The following NEK2 variants were observed in gnomAD, a reference collection of about 807,000 sequenced individuals.
NEK2 encodes the protein NIMA related kinase 2, also known as serine/threonine-protein kinase Nek2.
In NEK2, 28 loss-of-function variants were observed where a neutral mutation model predicts 54.1. The ratio of observed to expected loss-of-function variants is 0.52; its 90% CI spans 0.38 to 0.71. The LOEUF is 0.71. Among genes scored for constraint, NEK2 ranks in the 30% least tolerant of loss-of-function variants. NEK2 has a pLI of 0.00. For missense variants in NEK2, 407 were observed against 531.5 expected, an observed-to-expected ratio of 0.77 and a Z score of 2.30; for synonymous variants, 176 against 193.1, an observed-to-expected ratio of 0.91 and a Z score of 0.73.
chr1:211,663,086 T>C lies in NEK2; in HGVS notation c.*340A>G, dbSNP rs1655060826. 9.5e-7 allele frequency: 1 copy of C among 1,052,256 alleles called. No homozygotes were observed. The highest frequency in any genetic ancestry group is 1.1e-6 in the Non-Finnish European group (1 of 870,068). 65.2% of individuals were successfully genotyped at this position (1,052,256 alleles called of 1,614,324 possible). A position where few individuals can be genotyped will look rare whatever the true frequency, so the allele number is the denominator to read the frequency against. ...TTTAAAACTATTCAGTGAGTGCTAC[T>C]CTTCCTGCATAAATATTTTTTTCCT... On this transcript the variant is annotated 3_prime_UTR_variant, in exon 8 of 8. Coordinates refer to ENST00000366999, the MANE Select transcript of NEK2 (RefSeq NM_002497.4).
Position 211,670,381 on chromosome 1 carries a change from T to C in NEK2, c.665A>G (p.Lys222Arg). Residue 222 changes from lysine to arginine, a missense_variant, in exon 5 of 8, where the codon AAA (lysine) becomes AGA (arginine). Lys to Arg is a conservative substitution (Grantham distance 26, BLOSUM62 2). Transcript: ENST00000366999. ...LMPPFTAFSQ[K>R]ELAGKIREGK... ...TTCTCTGATTTTCCCAGCGAGTTCT[T>C]TCTGGCTAAAAGCTGTAAATGGAGG... The C allele has an allele frequency of 6.2e-7, 1 of 1,613,916 alleles. No homozygotes were observed. Among genetic ancestry groups the C allele is most frequent in the South Asian group, 1.1e-5 (1 of 91,038 alleles).
chr1:211,663,231 G>A lies in NEK2; in HGVS notation c.*195C>T. On this transcript the variant is annotated 3_prime_UTR_variant, in exon 8 of 8. Coordinates refer to ENST00000366999, the MANE Select transcript of NEK2 (RefSeq NM_002497.4). ...TTTTTATAATATGTTCTTAAAAGAA[G>A]AAAGAAAAATTAAATGTGAACATTT... The A allele has an allele frequency of 7.4e-7, 1 of 1,347,562 alleles. No individual in the cohort carries two copies. Among genetic ancestry groups the A allele is most frequent in the African/African-American group, 1.5e-5 (1 of 68,488 alleles). The allele number at this position is 1,347,562 out of a possible 1,614,324, so 83.5% of individuals were successfully genotyped here. A position where few individuals can be genotyped will look rare whatever the true frequency, so the allele number is the denominator to read the frequency against.
downstream of NEK2, chr1:211,661,069 A>ACCC: frequency 1.3e-6 from 1 of 742,276 alleles, no homozygotes; most frequent in South Asian, 1.4e-5. Context: ...GCACCGTCAA[A>ACCC]CCCCGGTGAT....
At chr1:211,668,314 C>T (rs1304091518) in intron 6 of NEK2, among the ~76,000 whole-genome samples, 1 of 152,184 alleles carries the variant, frequency 6.6e-6, no homozygotes, top group Non-Finnish European at 1.5e-5. Context: ...CACTCTGTAG[C>T]TACCTTGCAT....
intron 6 of NEK2, 145 bp from the exon 7 acceptor site, chr1:211,667,376 C>T: frequency 1.5e-6 from 1 of 664,316 alleles, no homozygotes; most frequent in Non-Finnish European, 2.4e-6. Flanking sequence ...ATGCCTCAGT[C>T]AACCTGATTA....
rs1246674101 is a variant in NEK2, at chr1:211,666,019, AAC to A, written c.1111+1085_1111+1086del. On this transcript the variant is annotated intron_variant, in intron 7 of 7. Transcript: ENST00000366999. ...TCGATTTTTGAAACCAACAACTTTT[AAC>A]AGTTAGTTTGTGTCATAAATCAAGC... 2.0e-5 allele frequency among the ~76,000 whole-genome samples: 3 copies of A among 152,242 alleles called. No individual in the cohort carries two copies. In the East Asian group the frequency reaches 5.8e-4, roughly 29 times the overall value.
chr1:211,663,425 G>A lies in NEK2; in HGVS notation c.*1C>T, dbSNP rs2102438493. 1 of 1,609,388 alleles carries A rather than the reference G, an allele frequency of 6.2e-7. No individual in the cohort carries two copies. The highest frequency in any genetic ancestry group is 2.2e-5 in the East Asian group (1 of 44,850). Reference sequence around the variant, plus strand: ...ACACAGCTCTGTGTCTCTCTACCTGGCTAGCGCATGCCCAGGATCTGTCTG... The same window carrying A: ...ACACAGCTCTGTGTCTCTCTACCTGACTAGCGCATGCCCAGGATCTGTCTG... On this transcript the variant is annotated 3_prime_UTR_variant, in exon 8 of 8. Transcript: ENST00000366999.
Position 211,675,412 on chromosome 1 carries a change from T to C in NEK2, c.68A>G (p.Gln23Arg), listed in dbSNP as rs1655550928. Reference protein sequence around the residue: ...TIGTGSYGRCQKIRRKSDGKI... With the variant: ...TIGTGSYGRCRKIRRKSDGKI... ...GCCATCACTCTTCCTCCGGATCTTC[T>C]GGCAGCGGCCGTAGGAGCCTGTGCC... Residue 23 changes from glutamine (Q) to arginine (R), a missense_variant, in exon 1 of 8, where the codon CAG becomes CGG. Transcript: ENST00000366999. 2.5e-6 allele frequency: 4 copies of C among 1,613,936 alleles called. No individual in the cohort carries two copies. The highest frequency in any genetic ancestry group is 1.7e-5 in the Admixed American group (1 of 60,018).
In NEK2 at chr1:211,673,784, G is replaced by A. The variant is rs114668748; in HGVS notation, c.315-61C>T. Reference sequence around the variant, plus strand: ...AAAAAAATCATTGCCAAGATGGGATGATATAAATTATCCAGTGTACAAATA... The same window carrying A: ...AAAAAAATCATTGCCAAGATGGGATAATATAAATTATCCAGTGTACAAATA... On this transcript the variant is annotated intron_variant, in intron 2 of 7. Coordinates refer to ENST00000366999, the MANE Select transcript of NEK2 (RefSeq NM_002497.4). 2,114 of 1,504,174 alleles carry A rather than the reference G, an allele frequency of 1.4e-3. 29 individuals carry two copies. In the African/African-American group the frequency reaches 0.025, roughly 18 times the overall value. The allele number at this position is 1,504,174 out of a possible 1,614,324, so 93.2% of individuals were successfully genotyped here.
At chr1:211,661,625 G>A (rs1035055483), downstream of NEK2, among the ~76,000 whole-genome samples, 4 of 152,192 alleles carry the variant, frequency 2.6e-5, no homozygotes, top group African/African-American at 9.7e-5. Context: ...TGAAAGTGCC[G>A]TCCACTAGCC....
At chr1:211,669,806 T>G (rs1456844796) in intron 5 of NEK2, among the ~76,000 whole-genome samples, 1 of 152,106 alleles carries the variant, frequency 6.6e-6, no homozygotes, top group Non-Finnish European at 1.5e-5. Flanking sequence ...TTCCCCATTC[T>G]ATAGCCAGAG....
chr1:211,670,201 T>C (rs1655327283), intron 5 of NEK2, 80 bp downstream of exon 5: 4 of 1,344,616 alleles, frequency 3.0e-6, no homozygotes, highest in East Asian at 2.4e-5. Flanking sequence ...TCAGTCTCCA[T>C]TGATCTACAA....
chr1:211,658,435 T>C (rs1320857673), downstream of NEK2, among the ~76,000 whole-genome samples: 1 of 151,914 alleles, frequency 6.6e-6, no homozygotes, highest in Non-Finnish European at 1.5e-5. Flanking sequence ...CATTCATATA[T>C]ACTAATGAAA....
intron 4 of NEK2, 152 bp downstream of exon 4, chr1:211,671,050 C>T (rs574350180): frequency 1.6e-6 from 1 of 623,570 alleles, no homozygotes; most frequent in South Asian, 1.9e-5. Context: ...TTCTTTTAGC[C>T]TGTTCATCTA....
chr1:211,669,649 G>A (rs1296254960), intron 5 of NEK2: 2 of 323,184 alleles, frequency 6.2e-6, no homozygotes, highest in African/African-American at 4.3e-5. Context: ...TGTTTTAGGG[G>A]AAGTACTGCC....
chr1:211,665,211 G>T (rs892215365), intron 7 of NEK2, among the ~76,000 whole-genome samples: 1 of 152,084 alleles, frequency 6.6e-6, no homozygotes, highest in Non-Finnish European at 1.5e-5. Flanking sequence ...ATTTCCAACT[G>T]TCCTGAGTTC....
chr1:211,665,719 T>A (rs772952199), intron 7 of NEK2, among the ~76,000 whole-genome samples: 21 of 152,216 alleles, frequency 1.4e-4, no homozygotes, highest in Non-Finnish European at 2.9e-4. Context: ...TTAACAGAGA[T>A]GAAGCCAAAG....
chr1:211,665,388 A>C (rs3767376), intron 7 of NEK2, among the ~76,000 whole-genome samples: 5,817 of 152,302 alleles, frequency 0.038, 229 homozygotes, highest in East Asian at 0.23. Flanking sequence ...AGATTCCCAT[A>C]CTTATCTGTG....
intron 2 of NEK2, 125 bp from the exon 3 acceptor site, chr1:211,673,848 A>C: frequency 9.6e-7 from 1 of 1,039,600 alleles, no homozygotes; most frequent in Middle Eastern, 3.1e-4. Context: ...TTTTTGAGAC[A>C]GGGTCTTACT....
Sources: gnomAD v4.1 joint callset for allele counts (sites outside exome capture counted in the v4.1 genomes callset) on GRCh38, gnomAD v4.1.1 for gene constraint, MANE v1.5 for transcripts, NCBI Gene and HGNC (gene_info 2026-07-23, HGNC 2026-07-21) for gene names.